Variants in TSPOAP1 observed in about 807,000 individuals in gnomAD.
TSPOAP1 encodes the protein TSPO associated protein 1.
TSPOAP1 carries 87 observed loss-of-function variants against 197.0 expected under a neutral mutation model. The ratio of observed to expected loss-of-function variants is 0.44; its 90% CI spans 0.37 to 0.53. The LOEUF (loss-of-function observed/expected upper bound fraction) is 0.53, where lower values mean the gene tolerates loss of function less well. Ranked by LOEUF, TSPOAP1 falls within the 20% of genes least tolerant of loss-of-function variation. TSPOAP1 has a pLI of 0.00. For missense variants in TSPOAP1, 2,174 were observed against 2,411.3 expected (o/e 0.90, Z 2.06); for synonymous variants, 913 against 998.9 (o/e 0.91, Z 1.62).
Position 58,304,457 on chromosome 17 carries a change from C to G in TSPOAP1, c.5545-58G>C. 6.7e-7 allele frequency: 1 copy of G among 1,485,022 alleles called. No individual in the cohort carries two copies. Among genetic ancestry groups the G allele is most frequent in the Non-Finnish European group, 9.4e-7 (1 of 1,062,886 alleles). The allele number at this position is 1,485,022 out of a possible 1,614,324, so 92.0% of individuals were successfully genotyped here. On this transcript the variant is annotated intron_variant, in intron 30 of 31. Transcript: ENST00000343736. This position sits in a 1 kb window ranked among gnomAD's most constrained non-coding sequence, Gnocchi z 4.2. ...TACCGACAGACCCGCACCTTCTCCG[C>G]CCGGCCACCAGGTGGCCCTGCGCAG... is the stretch of plus-strand genomic sequence containing the variant.
intron 16 of TSPOAP1, among the ~76,000 whole-genome samples, chr17:58,313,517 G>A (rs918073095): frequency 3.9e-5 from 6 of 151,944 alleles, no homozygotes; most frequent in African/African-American, 1.5e-4. Context: ...AGCCTGAGGT[G>A]GAAGGATTGC....
At chr17:58,305,788 C>T (rs750228045) in intron 27 of TSPOAP1, 45 bp downstream of exon 27, 1 of 1,610,210 alleles carries the variant, frequency 6.2e-7, no homozygotes, top group Non-Finnish European at 8.5e-7. Flanking sequence ...GGCCACCCAC[C>T]CTATCTCCTT....
intron 16 of TSPOAP1, among the ~76,000 whole-genome samples, chr17:58,315,730 C>G (rs1374100422): frequency 6.6e-6 from 1 of 152,176 alleles, no homozygotes; most frequent in Non-Finnish European, 1.5e-5. Context: ...TGAATCTAGC[C>G]AAAATCTCCT....
chr17:58,322,480 A>G lies in TSPOAP1; in HGVS notation c.1318-68T>C. ...CCATTTCTAGAGAAGATCTAAGATG[A>G]GGAAGCCTCAAACACCATTTGCTCC... On this transcript the variant is annotated intron_variant, in intron 9 of 31. Coordinates refer to ENST00000343736, the MANE Select transcript of TSPOAP1 (RefSeq NM_004758.4). The surrounding 1 kb of genome is among the most constrained non-coding windows in gnomAD (Gnocchi z 5.0). 1.9e-6 allele frequency: 3 copies of G among 1,573,444 alleles called. No individual in the cohort carries two copies. The South Asian group carries it at 3.4e-5, about 18-fold the overall frequency.
In TSPOAP1 at chr17:58,304,424, A is replaced by C; in HGVS notation, c.5545-25T>G. 1 of 1,607,398 alleles carries C rather than the reference A, an allele frequency of 6.2e-7. No homozygotes were observed. Among genetic ancestry groups the C allele is most frequent in the East Asian group, 2.2e-5 (1 of 44,822 alleles). On this transcript the variant is annotated intron_variant, in intron 30 of 31. Transcript: ENST00000343736. The surrounding 1 kb of genome is among the most constrained non-coding windows in gnomAD (Gnocchi z 4.2). ...TCTGAGGACAGGGAACAAAGAGAGG[A>C]GATGGGTTACCGACAGACCCGCACC...
intron 14 of TSPOAP1, among the ~76,000 whole-genome samples, chr17:58,317,055 G>A (rs963771606): frequency 2.0e-5 from 3 of 152,160 alleles, no homozygotes; most frequent in Non-Finnish European, 4.4e-5. Flanking sequence ...AATTAGCTGG[G>A]TGTGGTGGTG....
Position 58,326,784 on chromosome 17 carries a change from G to T in TSPOAP1, c.340C>A (p.Leu114Met). Residue 114 changes from leucine to methionine, a missense_variant, in exon 2 of 32, where the codon CTG (leucine) becomes ATG (methionine). Leu to Met is a conservative substitution (Grantham distance 15). Coordinates refer to ENST00000343736, the MANE Select transcript of TSPOAP1 (RefSeq NM_004758.4). The surrounding 1 kb of genome is among the most constrained non-coding windows in gnomAD (Gnocchi z 4.7). ...GGCCTGTCCCCAAAGCTCATATTCA[G>T]CTTGGCCTGGCATGGGAAAGGACCG... ...EEVEAFLKAK[L>M]NMSFGDRPNL... is the part of the protein sequence containing the mutation. 1.2e-6 allele frequency: 2 copies of T among 1,613,894 alleles called. No individual in the cohort carries two copies. Among genetic ancestry groups the T allele is most frequent in the Non-Finnish European group, 1.7e-6 (2 of 1,179,936 alleles).
In TSPOAP1 at chr17:58,310,129, A is replaced by G. The variant is rs756156458; in HGVS notation, c.3729T>C (p.His1243=). 1.4e-5 allele frequency: 22 copies of G among 1,613,072 alleles called. No individual in the cohort carries two copies. The highest frequency in any genetic ancestry group is 1.9e-5 in the Non-Finnish European group (22 of 1,179,996). The change falls in exon 21 of 32, where the codon CAT becomes CAC. Residue 1243 remains histidine (H), a synonymous_variant. Coordinates refer to ENST00000343736, the MANE Select transcript of TSPOAP1 (RefSeq NM_004758.4). ...CGTGGTCCACGAGGGAGTTCACCAG[A>G]TGAACCCCAAGCTCTGCTGTGTCCT... ...EKEDTAELGV[H]LVNSLVDHGR...
chr17:58,321,487 G>A (rs1026157839), intron 10 of TSPOAP1, among the ~76,000 whole-genome samples: 3 of 152,058 alleles, frequency 2.0e-5, no homozygotes, highest in African/African-American at 7.2e-5. Context: ...TGGTAGAGAC[G>A]GGGATTCACC....
Position 58,310,185 on chromosome 17 carries a change from A to G in TSPOAP1, c.3700-27T>C, listed in dbSNP as rs1971037629. ...TGCAAGAAGTGAGGCAAGGCAGGAG[A>G]GATAAGGACAGTGAGGGGGCACAGG... On this transcript the variant is annotated intron_variant, in intron 20 of 31. Coordinates refer to ENST00000343736, the MANE Select transcript of TSPOAP1 (RefSeq NM_004758.4). 5.6e-6 allele frequency: 9 copies of G among 1,599,722 alleles called. No individual in the cohort carries two copies. In the East Asian group the frequency reaches 2.0e-4, roughly 36 times the overall value.
rs57921991 is a variant in TSPOAP1, at chr17:58,315,958, C to T, written c.2098+65G>A. ...ATGGATGGATGGATGGATGGATATC[C>T]GTCTTTGGGAACATGGGCTCAAAGG... On this transcript the variant is annotated intron_variant, in intron 16 of 31. Coordinates refer to ENST00000343736, the MANE Select transcript of TSPOAP1 (RefSeq NM_004758.4). The T allele has an allele frequency of 3.2e-3, 3,856 of 1,188,764 alleles. 83 individuals are homozygous for T. In the African/African-American group the frequency reaches 0.051, roughly 16 times the overall value. The allele number at this position is 1,188,764 out of a possible 1,614,324, so 73.6% of individuals were successfully genotyped here.
Position 58,308,541 on chromosome 17 carries a change from C to G in TSPOAP1, c.4731G>C (p.Arg1577=), listed in dbSNP as rs778139595. ...ATGRAKEPLS[R]ATETGEARGQ... Reference sequence around the variant, plus strand: ...CCCAGGGCGGGGAGTGAGCACGGACCCGGGAGAGTGGCTCCTTGGCTCTGC... The same window carrying G: ...CCCAGGGCGGGGAGTGAGCACGGACGCGGGAGAGTGGCTCCTTGGCTCTGC... Residue 1577 remains arginine, a splice_region_variant and synonymous_variant, in exon 22 of 32, where the codon CGG becomes CGC. Coordinates refer to ENST00000343736, the MANE Select transcript of TSPOAP1 (RefSeq NM_004758.4). 5 of 1,523,838 alleles carry G rather than the reference C, an allele frequency of 3.3e-6. No homozygotes were observed. The East Asian group carries it at 1.1e-4, about 35-fold the overall frequency. The allele number at this position is 1,523,838 out of a possible 1,614,324, so 94.4% of individuals were successfully genotyped here.
At position 58,307,600 on chromosome 17, in the gene TSPOAP1, G is replaced by C. The variant is rs201058081; in HGVS notation, c.4983+11C>G. Reference sequence around the variant, plus strand: ...GTTTGGAATTCTGAGCCCTGATGGCGAATCAGTCACCTTCAGGATCTGACC... The same window carrying C: ...GTTTGGAATTCTGAGCCCTGATGGCCAATCAGTCACCTTCAGGATCTGACC... On this transcript the variant is annotated intron_variant, in intron 24 of 31. Transcript: ENST00000343736. 1 of 1,612,520 alleles carries C rather than the reference G, an allele frequency of 6.2e-7. No individual in the cohort carries two copies. The highest frequency in any genetic ancestry group is 1.1e-5 in the South Asian group (1 of 90,828).
At position 58,308,802 on chromosome 17, in the gene TSPOAP1, AAGGCAGCTGGCCAGGCC is replaced by A; in HGVS notation, c.4453_4469del (p.Gly1485PhefsTer10). 6.2e-7 allele frequency: 1 copy of A among 1,612,992 alleles called. No individual in the cohort carries two copies. The highest frequency in any genetic ancestry group is 8.5e-7 in the Non-Finnish European group (1 of 1,179,956). On this transcript the variant is annotated frameshift_variant, in exon 22 of 32. Coordinates refer to ENST00000343736, the MANE Select transcript of TSPOAP1 (RefSeq NM_004758.4). LOFTEE classifies it high-confidence loss of function. ...TGCTGATTTCCAAGCACTTGGGGGA[AAGGCAGCTGGCCAGGCC>A]AGGCTCCAGCGCCCGGCCACGGGAG... is the stretch of plus-strand genomic sequence containing the variant.
chr17:58,316,505 T>C lies in TSPOAP1; in HGVS notation c.1908A>G (p.Ala636=). 6.2e-7 allele frequency: 1 copy of C among 1,613,542 alleles called. No homozygotes were observed. Residue 636 remains alanine (A), a synonymous_variant, in exon 15 of 32, where the codon GCA becomes GCG. Transcript: ENST00000343736. ...DTASEVEELE[A]DSVSLLPAAP... The stretch of plus-strand genomic sequence containing the variant: ...CAGCTGGGAGCAGGGAGACACTGTC[T>C]GCCTCCAGCTCCTCTACCTCACTGG...
chr17:58,325,663 C>T lies in TSPOAP1; in HGVS notation c.621G>A (p.Lys207=). The part of the protein sequence containing the change: ...RPGTSLELCR[K]ALARQRARDL... ...CCCGGGCTCGCTGGCGGGCTAGGGC[C>T]TTCCGACACAACTCCAAGCTGGTCC... The change falls in exon 4 of 32, where the codon AAG becomes AAA. Residue 207 remains lysine, a synonymous_variant. Coordinates refer to ENST00000343736, the MANE Select transcript of TSPOAP1 (RefSeq NM_004758.4). The T allele has an allele frequency of 6.2e-7, 1 of 1,613,092 alleles. No individual in the cohort carries two copies. The highest frequency in any genetic ancestry group is 8.5e-7 in the Non-Finnish European group (1 of 1,179,952).
At chr17:58,316,849 C>T (rs2074306428) in intron 14 of TSPOAP1, among the ~76,000 whole-genome samples, 1 of 152,230 alleles carries the variant, frequency 6.6e-6, no homozygotes, top group African/African-American at 2.4e-5. Context: ...CCAGGCCATG[C>T]TGGTGTGGGG....
Position 58,304,508 on chromosome 17 carries a change from T to C in TSPOAP1, c.5545-109A>G, listed in dbSNP as rs1970815924. ...GGGTGGGCCCTACTCTCCAAGGCCT[T>C]TGTGTTCACACATGGAAGCCCTGAG... On this transcript the variant is annotated intron_variant, in intron 30 of 31. Coordinates refer to ENST00000343736, the MANE Select transcript of TSPOAP1 (RefSeq NM_004758.4). The surrounding 1 kb of genome is among the most constrained non-coding windows in gnomAD (Gnocchi z 4.2). 2.3e-6 allele frequency: 2 copies of C among 855,302 alleles called. No homozygotes were observed. Among genetic ancestry groups the C allele is most frequent in the Non-Finnish European group, 4.0e-6 (2 of 499,468 alleles). 53.0% of individuals were successfully genotyped at this position (855,302 alleles called of 1,614,324 possible).
At position 58,322,801 on chromosome 17, in the gene TSPOAP1, G is replaced by T. The variant is rs1167148887; in HGVS notation, c.1195-25C>A. 6.2e-7 allele frequency: 1 copy of T among 1,611,884 alleles called. No homozygotes were observed. The highest frequency in any genetic ancestry group is 8.5e-7 in the Non-Finnish European group (1 of 1,179,588). On this transcript the variant is annotated intron_variant, in intron 8 of 31. Transcript: ENST00000343736. This position sits in a 1 kb window ranked among gnomAD's most constrained non-coding sequence, Gnocchi z 5.0. ...CCTGGCGAGGGGGCAGTGACAGGGA[G>T]TTGGGTGGGTGAGCCTTGACCCACC...
Sources: allele counts gnomAD v4.1 joint callset (sites outside exome capture counted in the v4.1 genomes callset), GRCh38; gene constraint gnomAD v4.1.1; non-coding constraint Gnocchi (gnomAD v3.1); transcripts MANE v1.5; gene names NCBI Gene and HGNC (gene_info 2026-07-23, HGNC 2026-07-21).